TDRD7: variants seen among roughly 807,000 people sequenced by gnomAD.
TDRD7 encodes the protein tudor domain-containing protein 7.
In TDRD7, 47 loss-of-function variants were observed where a neutral mutation model predicts 109.8. That is an observed-to-expected ratio of 0.43 (90% CI 0.34 to 0.55). TDRD7 has a LOEUF of 0.55. Among genes scored for constraint, TDRD7 ranks in the 20% least tolerant of loss-of-function variants. TDRD7 has a pLI of 0.03. For synonymous variants in TDRD7, 424 were observed against 457.3 expected, an observed-to-expected ratio of 0.93 and a Z score of 0.93; for missense variants, 1,164 against 1,319.2, an observed-to-expected ratio of 0.88 and a Z score of 1.82.
At chr9:97,490,277 TTGTC>T (rs1829279894) in intron 16 of TDRD7, among the ~76,000 whole-genome samples, 1 of 152,230 alleles carries the variant, frequency 6.6e-6, no homozygotes, top group Admixed American at 6.5e-5. Flanking sequence ...CAATTTTTGT[TTGTC>T]TGAGAGTCTG....
At chr9:97,462,972 A>G (rs1828752734) in intron 7 of TDRD7, among the ~76,000 whole-genome samples, 1 of 152,276 alleles carries the variant, frequency 6.6e-6, no homozygotes, top group South Asian at 2.1e-4. Context: ...ACCCAGGGCT[A>G]CATAGCAGCA....
chr9:97,421,996 T>G (rs1192866588), intron 1 of TDRD7, among the ~76,000 whole-genome samples: 1 of 152,196 alleles, frequency 6.6e-6, no homozygotes, highest in African/African-American at 2.4e-5. Context: ...GAGTTAATTT[T>G]TTGTATATAT....
At chr9:97,491,742 G>C (rs1829312676) in intron 16 of TDRD7, among the ~76,000 whole-genome samples, 1 of 152,204 alleles carries the variant, frequency 6.6e-6, no homozygotes, top group African/African-American at 2.4e-5. Context: ...ACCCTGTGAG[G>C]TCAGGCTCTA....
At chr9:97,453,672 A>G (rs973764024) in intron 6 of TDRD7, among the ~76,000 whole-genome samples, 2 of 152,198 alleles carry the variant, frequency 1.3e-5, no homozygotes, top group Admixed American at 6.5e-5. Context: ...AGACACACAC[A>G]GGCTCAAAAT....
At chr9:97,439,960 C>T (rs7044475) in intron 5 of TDRD7, among the ~76,000 whole-genome samples, 10,946 of 152,078 alleles carry the variant, frequency 0.072, 622 homozygotes, top group African/African-American at 0.16. Flanking sequence ...ACAGTGTTTT[C>T]GTATCAGTGC....
chr9:97,450,014 G>C (rs1828463854), intron 6 of TDRD7, among the ~76,000 whole-genome samples: 1 of 152,142 alleles, frequency 6.6e-6, no homozygotes, highest in African/African-American at 2.4e-5. Flanking sequence ...TCCAACTGTG[G>C]CAGAAATCAA....
At chr9:97,416,962 TG>T (rs1404337297) in intron 1 of TDRD7, among the ~76,000 whole-genome samples, 1 of 152,122 alleles carries the variant, frequency 6.6e-6, no homozygotes, top group Non-Finnish European at 1.5e-5. Flanking sequence ...TATTGGATGG[TG>T]ATAAGTGCTA....
At chr9:97,464,703 C>A in intron 7 of TDRD7, 139 bp from the exon 8 acceptor site, 1 of 829,352 alleles carries the variant, frequency 1.2e-6, no homozygotes, top group South Asian at 1.4e-5. Flanking sequence ...AATACACGTT[C>A]TCCTCCCTGT....
chr9:97,458,554 AT>A (rs1314001227), intron 6 of TDRD7, among the ~76,000 whole-genome samples: 1 of 152,166 alleles, frequency 6.6e-6, no homozygotes, highest in Non-Finnish European at 1.5e-5. Context: ...ATCATATAAC[AT>A]GCCATTTAGA....
intron 16 of TDRD7, among the ~76,000 whole-genome samples, chr9:97,490,177 G>T (rs998143681): frequency 2.6e-5 from 4 of 152,010 alleles, no homozygotes; most frequent in Non-Finnish European, 5.9e-5. Flanking sequence ...TCTTTATGTC[G>T]ATATTAATTT....
intron 6 of TDRD7, among the ~76,000 whole-genome samples, chr9:97,445,434 A>T (rs1307830876): frequency 6.6e-6 from 1 of 152,210 alleles, no homozygotes; most frequent in Non-Finnish European, 1.5e-5. Context: ...AATAATGATA[A>T]GCCTGCAATG....
Position 97,441,822 on chromosome 9 carries a change from G to T in TDRD7, c.802G>T (p.Asp268Tyr), listed in dbSNP as rs1460837063. 6.2e-7 allele frequency: 1 copy of T among 1,613,574 alleles called. No homozygotes were observed. Among genetic ancestry groups the T allele is most frequent in the African/African-American group, 1.3e-5 (1 of 74,870 alleles). Residue 268 changes from aspartate (D) to tyrosine (Y), a missense_variant, in exon 6 of 17, where the codon GAC (aspartate) becomes TAC (tyrosine). Asp to Tyr is a radical substitution (Grantham distance 160, BLOSUM62 -3). Coordinates refer to ENST00000355295, the MANE Select transcript of TDRD7 (RefSeq NM_014290.3). ...TTTTTACAAAGAGTTATATAAAGAA[G>T]ACCTTAATCAAGGAATTTTACAACA... ...PHFYKELYKEDLNQGILQQFE... is the reference protein window; with the variant it reads ...PHFYKELYKEYLNQGILQQFE...
rs1314625984 is a variant in TDRD7, at chr9:97,483,059, G to A, written c.2623G>A (p.Glu875Lys). The A allele has an allele frequency of 1.2e-5, 19 of 1,614,136 alleles. No homozygotes were observed. Among genetic ancestry groups the A allele is most frequent in the Non-Finnish European group, 1.5e-5 (18 of 1,180,022 alleles). The change falls in exon 15 of 17, where the codon GAG becomes AAG. Residue 875 changes from glutamate to lysine, a missense_variant. Glu to Lys is a moderately conservative substitution (Grantham distance 56). Around this residue, in one of 5 missense-constraint regions of TDRD7, gnomAD observed 233 missense variants for 218.0 expected, o/e 1.07. Coordinates refer to ENST00000355295, the MANE Select transcript of TDRD7 (RefSeq NM_014290.3). ...CATGCCCATGTCGGGCAACACTGGAGAGAATTTCAGAAAGAACCTCACAGA... is the reference window on the plus strand; with the variant it reads ...CATGCCCATGTCGGGCAACACTGGAAAGAATTTCAGAAAGAACCTCACAGA... ...GNMPMSGNTG[E>K]NFRKNLTDVI... is the part of the protein sequence containing the mutation.
In TDRD7 at chr9:97,460,660, T is replaced by A. The variant is rs1708664164; in HGVS notation, c.1338T>A (p.Asn446Lys). The change falls in exon 7 of 17, where the codon AAT becomes AAA. Residue 446 changes from asparagine to lysine, a missense_variant. Coordinates refer to ENST00000355295, the MANE Select transcript of TDRD7 (RefSeq NM_014290.3). Reference protein sequence around the residue: ...QVEESIAESANTFMEDITVPP... With the variant: ...QVEESIAESAKTFMEDITVPP... ...AAGAAAGCATTGCTGAAAGTGCTAA[T>A]ACCTTTATGGAGGACATAACAGTTC... is the stretch of plus-strand genomic sequence containing the variant. The A allele has an allele frequency of 6.2e-7, 1 of 1,614,164 alleles. No homozygotes were observed. The highest frequency in any genetic ancestry group is 8.5e-7 in the Non-Finnish European group (1 of 1,180,014).
At chr9:97,482,077 C>T (rs1303205239) in intron 14 of TDRD7, among the ~76,000 whole-genome samples, 2 of 152,140 alleles carry the variant, frequency 1.3e-5, no homozygotes, top group Non-Finnish European at 2.9e-5. Flanking sequence ...CCAACAGTCA[C>T]CTAGCTCCTT....
At position 97,475,278 on chromosome 9, in the gene TDRD7, A is replaced by G. The variant is rs563308827; in HGVS notation, c.2080-105A>G. The G allele has an allele frequency of 2.0e-5, 17 of 856,494 alleles. 1 individual carries two copies. The highest frequency in any genetic ancestry group is 2.0e-4 in the South Asian group (14 of 71,346). The allele number at this position is 856,494 out of a possible 1,614,324, so 53.1% of individuals were successfully genotyped here. A position where few individuals can be genotyped will look rare whatever the true frequency, so the allele number is the denominator to read the frequency against. On this transcript the variant is annotated intron_variant, in intron 11 of 16. Transcript: ENST00000355295. ...CATCCATTGCTGGAAGTCTGACTAC[A>G]TGTCGGTTAAGTCTGCCAGTGCCAC...
rs758075785 is a variant in TDRD7, at chr9:97,464,924, A to G, written c.1525A>G (p.Thr509Ala). The part of the protein sequence containing the change: ...KEYYSKNPKI[T>A]PVQAVNVGQL... ...ATATTACAGTAAGAATCCTAAGATC[A>G]CACCAGTCCAGGCTGTGAATGTTGG... The change falls in exon 8 of 17, where the codon ACA (threonine) becomes GCA (alanine). Residue 509 changes from threonine (T) to alanine (A), a missense_variant. Physicochemically the swap from Thr to Ala is moderately conservative, Grantham distance 58. This residue lies in a region of TDRD7 where 261 missense variants were observed against 336.2 expected (regional missense o/e 0.78). Transcript: ENST00000355295. The G allele has an allele frequency of 6.2e-7, 1 of 1,614,082 alleles. No homozygotes were observed. The highest frequency in any genetic ancestry group is 1.3e-5 in the African/African-American group (1 of 74,936).
intron 4 of TDRD7, among the ~76,000 whole-genome samples, chr9:97,436,530 A>T (rs1320975589): frequency 6.6e-6 from 1 of 152,072 alleles, no homozygotes; most frequent in Non-Finnish European, 1.5e-5. Flanking sequence ...CAGTTTGTTT[A>T]ATTATTGTAT....
intron 12 of TDRD7, among the ~76,000 whole-genome samples, chr9:97,477,484 T>A (rs1829042919): frequency 6.6e-6 from 1 of 152,228 alleles, no homozygotes; most frequent in Admixed American, 6.5e-5. Flanking sequence ...CATGTTTAAA[T>A]TTAGGTTATG....
Sources: allele counts gnomAD v4.1 joint callset (sites outside exome capture counted in the v4.1 genomes callset), GRCh38; gene constraint gnomAD v4.1.1; regional missense constraint gnomAD v4.1.1; transcripts MANE v1.5; gene names NCBI Gene and HGNC (gene_info 2026-07-23, HGNC 2026-07-21).